TIAM1: variants seen among roughly 807,000 people sequenced by gnomAD.
TIAM1 encodes TIAM Rac1 associated GEF 1.
Under a neutral mutation model 163.5 loss-of-function variants are expected in TIAM1, and 65 were observed. The ratio of observed to expected loss-of-function variants is 0.40; its 90% CI spans 0.33 to 0.49. The LOEUF (loss-of-function observed/expected upper bound fraction) is 0.49. TIAM1 is among the 20% of genes least tolerant of loss of function. The pLI is 0.77. For missense variants in TIAM1, 1,789 were observed against 2,044.7 expected, an observed-to-expected ratio of 0.87 and a Z score of 2.41; for synonymous variants, 833 against 810.1, an observed-to-expected ratio of 1.03 and a Z score of -0.48.
chr21:31,263,088 G>A (rs533776987), intron 4 of TIAM1, among the ~76,000 whole-genome samples: 1 of 152,282 alleles, frequency 6.6e-6, no homozygotes, highest in Admixed American at 6.5e-5. Flanking sequence ...AAATGTGGGC[G>A]GGTGGATAGT....
intron 3 of TIAM1, among the ~76,000 whole-genome samples, chr21:31,268,708 AG>A (rs2072909973): frequency 6.6e-6 from 1 of 152,244 alleles, no homozygotes; most frequent in Non-Finnish European, 1.5e-5. Flanking sequence ...TTAAGAAGCA[AG>A]AAAAAAGATA....
intron 1 of TIAM1, among the ~76,000 whole-genome samples, chr21:31,466,484 G>A (rs1360681085): frequency 6.6e-6 from 1 of 151,962 alleles, no homozygotes; most frequent in African/African-American, 2.4e-5. Context: ...GGGAAGGCCT[G>A]GAAGGTGGGG....
chr21:31,352,084 T>C (rs942038003), intron 2 of TIAM1, among the ~76,000 whole-genome samples: 3 of 149,744 alleles, frequency 2.0e-5, no homozygotes, highest in East Asian at 1.9e-4. Context: ...AAAAAAAAAG[T>C]GCATCTTTGC....
Position 31,141,359 on chromosome 21 carries a change from G to A in TIAM1, c.3621C>T (p.Thr1207=), listed in dbSNP as rs201062270. ...GGTAGTGCTCCTCGCTCTCCGCATC[G>A]GTCAGGGCGAACAGCTCCCTGAGCA... ...PLLLRELFAL[T]DAESEEHYHL... The change falls in exon 21 of 28, where the codon ACC becomes ACT. Residue 1207 remains threonine, a synonymous_variant. Transcript: ENST00000541036. The surrounding 1 kb of genome is among the most constrained non-coding windows in gnomAD (Gnocchi z 4.7). 5.2e-5 allele frequency: 84 copies of A among 1,614,104 alleles called. No homozygotes were observed. In the East Asian group the frequency reaches 1.1e-3, roughly 21 times the overall value.
At chr21:31,160,184 G>T (rs900858947) in intron 16 of TIAM1, among the ~76,000 whole-genome samples, 1 of 152,144 alleles carries the variant, frequency 6.6e-6, no homozygotes, top group Admixed American at 6.5e-5. Flanking sequence ...ACATCTTTCT[G>T]CCATTTAAGT....
intron 2 of TIAM1, among the ~76,000 whole-genome samples, chr21:31,336,226 G>A (rs2075834453): frequency 6.6e-6 from 1 of 152,176 alleles, no homozygotes; most frequent in Non-Finnish European, 1.5e-5. Context: ...TCTTTCGAAT[G>A]GGGACAAAAG....
intron 6 of TIAM1, among the ~76,000 whole-genome samples, chr21:31,237,686 A>G (rs961827530): frequency 6.6e-6 from 1 of 152,112 alleles, no homozygotes; most frequent in Admixed American, 6.5e-5. Context: ...TAGAGATAAC[A>G]TTTTCTATAC....
At chr21:31,383,370 C>T (rs2076812118) in intron 2 of TIAM1, among the ~76,000 whole-genome samples, 1 of 152,176 alleles carries the variant, frequency 6.6e-6, no homozygotes, top group South Asian at 2.1e-4. Flanking sequence ...CTAAGCATTA[C>T]AAGGATTGTG....
In TIAM1 at chr21:31,120,881, T is replaced by C; in HGVS notation, c.4307-44A>G. ...ATATAAAAATAAAACCCCCACATGCTTTACGTGAGATGAAAATCCAGAAAG... is the reference window on the plus strand; with the variant it reads ...ATATAAAAATAAAACCCCCACATGCCTTACGTGAGATGAAAATCCAGAAAG... On this transcript the variant is annotated intron_variant, in intron 27 of 27. Coordinates refer to ENST00000541036, the MANE Select transcript of TIAM1 (RefSeq NM_001353694.2). The surrounding 1 kb of genome is among the most constrained non-coding windows in gnomAD (Gnocchi z 4.2). The C allele has an allele frequency of 1.3e-6, 2 of 1,510,532 alleles. No homozygotes were observed. Among genetic ancestry groups the C allele is most frequent in the Non-Finnish European group, 1.8e-6 (2 of 1,130,320 alleles). The allele number at this position is 1,510,532 out of a possible 1,614,324, so 93.6% of individuals were successfully genotyped here.
intron 2 of TIAM1, among the ~76,000 whole-genome samples, chr21:31,284,448 G>T (rs1205453369): frequency 6.6e-6 from 1 of 152,162 alleles, no homozygotes; most frequent in Non-Finnish European, 1.5e-5. Context: ...AGGACACACA[G>T]CAGGGGGGGT....
At chr21:31,422,322 T>C (rs2833405) in intron 2 of TIAM1, among the ~76,000 whole-genome samples, 6,815 of 152,314 alleles carry the variant, frequency 0.045, 259 homozygotes, top group African/African-American at 0.1. Context: ...AAGATACTCC[T>C]GAAGAAATGC....
At chr21:31,338,319 A>G (rs557719803) in intron 2 of TIAM1, among the ~76,000 whole-genome samples, 1 of 152,284 alleles carries the variant, frequency 6.6e-6, no homozygotes, top group Admixed American at 6.5e-5. Flanking sequence ...CCCTCTCTCA[A>G]GTCCACAGTC....
chr21:31,150,853 A>C (rs2083339196), intron 19 of TIAM1, among the ~76,000 whole-genome samples: 1 of 152,224 alleles, frequency 6.6e-6, no homozygotes, highest in African/African-American at 2.4e-5. Flanking sequence ...AGGACTTATA[A>C]AGGATATACA....
In TIAM1 at chr21:31,225,809, T is replaced by C. The variant is rs2087926044; in HGVS notation, c.1726A>G (p.Met576Val). The change falls in exon 7 of 28, where the codon ATG becomes GTG. Residue 576 changes from methionine (M) to valine (V), a missense_variant. By Grantham distance (21) the Met-to-Val change is conservative. Transcript: ENST00000541036. ...CCCATTTTCTTCATCTTTTCATCCATGTCAATCTTCTGTTCCAGTTTTTTG... is the reference window on the plus strand; with the variant it reads ...CCCATTTTCTTCATCTTTTCATCCACGTCAATCTTCTGTTCCAGTTTTTTG... ...EIKKLEQKIDMDEKMKKMGEM... is the reference protein window; with the variant it reads ...EIKKLEQKIDVDEKMKKMGEM... 3.7e-6 allele frequency: 6 copies of C among 1,614,228 alleles called. No homozygotes were observed. The highest frequency in any genetic ancestry group is 4.2e-6 in the Non-Finnish European group (5 of 1,180,048).
chr21:31,424,352 T>G (rs991035315), intron 2 of TIAM1, among the ~76,000 whole-genome samples: 5 of 152,190 alleles, frequency 3.3e-5, no homozygotes, highest in Admixed American at 1.3e-4. Flanking sequence ...ATCACAGCTA[T>G]TCACAGAAGA....
intron 1 of TIAM1, among the ~76,000 whole-genome samples, chr21:31,340,612 G>A (rs151217920): frequency 1.5e-3 from 223 of 152,190 alleles, no homozygotes; most frequent in African/African-American, 5.2e-3. Flanking sequence ...CAACCCTCCC[G>A]TCTCAGCCTC....
intron 2 of TIAM1, among the ~76,000 whole-genome samples, chr21:31,402,217 A>AAAC (rs945668709): frequency 1.3e-5 from 2 of 152,114 alleles, no homozygotes; most frequent in East Asian, 1.9e-4. Flanking sequence ...GTCTCAAAAA[A>AAAC]AACAACAACA....
chr21:31,413,868 T>C (rs906843048), intron 2 of TIAM1, among the ~76,000 whole-genome samples: 5 of 152,148 alleles, frequency 3.3e-5, no homozygotes, highest in African/African-American at 1.2e-4. Context: ...CCCAAAGCTG[T>C]GAGTGTGACT....
chr21:31,432,203 C>T (rs977022438), intron 2 of TIAM1, among the ~76,000 whole-genome samples: 2 of 147,682 alleles, frequency 1.4e-5, no homozygotes, highest in Admixed American at 7.0e-5. Context: ...CGGGTTCAAG[C>T]GATTCTCCTG....
Sources: gnomAD v4.1 joint callset for allele counts (sites outside exome capture counted in the v4.1 genomes callset) on GRCh38, gnomAD v4.1.1 for gene constraint, Gnocchi (gnomAD v3.1) non-coding constraint, MANE v1.5 for transcripts, NCBI Gene and HGNC (gene_info 2026-07-23, HGNC 2026-07-21) for gene names.